Variants in CD8B2 observed in about 807,000 individuals in gnomAD.
CD8B2 encodes the protein T-cell surface glycoprotein CD8 beta-2 chain.
A neutral mutation model predicts 23.7 loss-of-function variants in CD8B2; 11 were observed. The observed-to-expected ratio is 0.46, with a 90% CI of 0.29 to 0.77. The LOEUF is 0.77. CD8B2 is among the 30% of genes least tolerant of loss of function. The pLI, the probability that CD8B2 is intolerant of heterozygous loss-of-function variation, is 0.09. For missense variants in CD8B2, 197 were observed against 270.5 expected (o/e 0.73, Z 1.91); for synonymous variants, 90 against 109.3 (o/e 0.82, Z 1.10).
chr2:106,542,757 A>C (rs552211454), intron 5 of CD8B2, among the ~76,000 whole-genome samples: 20 of 149,432 alleles, frequency 1.3e-4, no homozygotes, highest in African/African-American at 3.9e-4. Context: ...AATACATACT[A>C]TATATGAAGT....
At chr2:106,519,149 C>A (rs1384831118) in intron 5 of CD8B2, among the ~76,000 whole-genome samples, 1 of 152,218 alleles carries the variant, frequency 6.6e-6, no homozygotes, top group Non-Finnish European at 1.5e-5. Flanking sequence ...AGTACACTTA[C>A]AACAATAAGA....
At chr2:106,528,583 G>A (rs976454433) in intron 5 of CD8B2, among the ~76,000 whole-genome samples, 4 of 152,208 alleles carry the variant, frequency 2.6e-5, no homozygotes, top group Admixed American at 2.0e-4. Context: ...TCTGCAGTCT[G>A]TTCAATGGAA....
chr2:106,544,160 C>A (rs192639237), exon 6 of CD8B2: 4 of 397,972 alleles, frequency 1.0e-5, no homozygotes, highest in East Asian at 3.6e-5. Flanking sequence ...AGACTGCATG[C>A]GTGTCTAGCG....
At chr2:106,522,751 C>T (rs143731997) in intron 5 of CD8B2, among the ~76,000 whole-genome samples, 6 of 152,274 alleles carry the variant, frequency 3.9e-5, no homozygotes, top group Admixed American at 3.3e-4. Context: ...AACCAATTTC[C>T]ATCCCTGAGC....
chr2:106,490,823 A>G (rs1679179739), intron 1 of CD8B2, 51 bp from the exon 2 acceptor site: 3 of 1,542,368 alleles, frequency 1.9e-6, no homozygotes, highest in Non-Finnish European at 1.7e-6. Flanking sequence ...GCGAGGTCCC[A>G]CAGCTGTGGC....
Position 106,541,290 on chromosome 2 carries a change from A to G in CD8B2, c.621-2702A>G, listed in dbSNP as rs377574689. 9.2e-5 allele frequency among the ~76,000 whole-genome samples: 14 copies of G among 152,242 alleles called. 1 individual carries two copies. Among genetic ancestry groups the G allele is most frequent in the African/African-American group, 2.9e-4 (12 of 41,548 alleles). On this transcript the variant is annotated intron_variant, in intron 5 of 5. Transcript: ENST00000416057. ...TCTTGTTGGTGGTTAGTGACCCCCT[A>G]TGGAAGTAGGGCCACTCACTCCTGA...
intron 5 of CD8B2, among the ~76,000 whole-genome samples, chr2:106,516,845 C>G (rs1423198318): frequency 6.6e-6 from 1 of 151,066 alleles, no homozygotes; most frequent in African/African-American, 2.4e-5. Flanking sequence ...TCTTTCATTA[C>G]CAGGCTTTTT....
At chr2:106,525,503 AAGTGAACAGTTCATGGCATTTAGTGC>A (rs1208093990) in intron 5 of CD8B2, among the ~76,000 whole-genome samples, 5 of 152,196 alleles carry the variant, frequency 3.3e-5, no homozygotes, top group African/African-American at 1.2e-4. Context: ...AAGCATTTTA[AAGTGAACAGTTCATGGCATTTAGTGC>A]AGTGATAGAC....
At position 106,533,439 on chromosome 2, in the gene CD8B2, G is replaced by A. The variant is rs1315963549; in HGVS notation, c.621-10553G>A. Among the ~76,000 whole-genome samples the A allele has an allele frequency of 2.0e-5, 3 of 152,258 alleles. No homozygotes were observed. In the South Asian group the frequency reaches 6.2e-4, roughly 32 times the overall value. The stretch of plus-strand genomic sequence containing the variant: ...GTTGTGTGCAGTCCCTTTTGTAAAC[G>A]TTGGTGATGACGAGGAAAGAGTTGA... On this transcript the variant is annotated intron_variant, in intron 5 of 5. Coordinates refer to the CD8B2 transcript ENST00000416057.
At chr2:106,520,828 C>A (rs1369517810) in intron 5 of CD8B2, among the ~76,000 whole-genome samples, 1 of 151,988 alleles carries the variant, frequency 6.6e-6, no homozygotes, top group Non-Finnish European at 1.5e-5. Context: ...CGAGATCATG[C>A]CACTGCACTC....
intron 5 of CD8B2, among the ~76,000 whole-genome samples, chr2:106,533,849 C>T (rs1433388075): frequency 6.6e-6 from 1 of 152,160 alleles, no homozygotes; most frequent in Non-Finnish European, 1.5e-5. Context: ...GGAAAGGCTT[C>T]TCAGGGAAGC....
At chr2:106,504,803 C>A (rs1304656102) in intron 5 of CD8B2, among the ~76,000 whole-genome samples, 2 of 152,154 alleles carry the variant, frequency 1.3e-5, no homozygotes, top group Admixed American at 1.3e-4. Flanking sequence ...TATTTCATCC[C>A]CTTGGTTCTG....
At chr2:106,520,502 C>T (rs1281314569) in intron 5 of CD8B2, among the ~76,000 whole-genome samples, 1 of 152,168 alleles carries the variant, frequency 6.6e-6, no homozygotes, top group African/African-American at 2.4e-5. Context: ...TTTCAAGCCT[C>T]CTGAAGTGGC....
At chr2:106,517,220 G>GCT (rs1679742277) in intron 5 of CD8B2, among the ~76,000 whole-genome samples, 1 of 151,596 alleles carries the variant, frequency 6.6e-6, no homozygotes, top group African/African-American at 2.4e-5. Flanking sequence ...GCTTTTTCTG[G>GCT]AGAATAGTCT....
At chr2:106,528,358 C>T (rs1679944278) in intron 5 of CD8B2, among the ~76,000 whole-genome samples, 1 of 151,978 alleles carries the variant, frequency 6.6e-6, no homozygotes, top group Non-Finnish European at 1.5e-5. Context: ...TTTGTTGTGT[C>T]ATTGTTTTTT....
chr2:106,536,297 G>T (rs1218902318), intron 5 of CD8B2, among the ~76,000 whole-genome samples: 1 of 152,098 alleles, frequency 6.6e-6, no homozygotes, highest in Non-Finnish European at 1.5e-5. Flanking sequence ...CTCCCAAAGT[G>T]CTGGGATTAC....
intron 5 of CD8B2, among the ~76,000 whole-genome samples, chr2:106,530,640 A>G (rs749302012): frequency 9.2e-5 from 14 of 152,006 alleles, no homozygotes; most frequent in Non-Finnish European, 1.8e-4. Flanking sequence ...CGGCCTCCCA[A>G]AGTGCTTGAA....
At chr2:106,540,291 C>T (rs935400099) in intron 5 of CD8B2, among the ~76,000 whole-genome samples, 5 of 152,088 alleles carry the variant, frequency 3.3e-5, no homozygotes, top group African/African-American at 4.8e-5. Context: ...GTGAGAAATT[C>T]GTATTTTCAT....
chr2:106,541,867 C>T (rs1184572615), intron 5 of CD8B2, among the ~76,000 whole-genome samples: 1 of 152,194 alleles, frequency 6.6e-6, no homozygotes, highest in African/African-American at 2.4e-5. Context: ...CACGAATCTG[C>T]CCTATCTTGG....
Sources: gnomAD v4.1 joint callset for allele counts (sites outside exome capture counted in the v4.1 genomes callset) on GRCh38, gnomAD v4.1.1 for gene constraint, MANE v1.5 for transcripts, NCBI Gene and HGNC (gene_info 2026-07-23, HGNC 2026-07-21) for gene names.